SP8: variants seen among roughly 807,000 people sequenced by gnomAD.
The protein encoded by SP8 is transcription factor Sp8.
In SP8, 7 loss-of-function variants were observed where a neutral mutation model predicts 15.3. That is an observed-to-expected ratio of 0.46 (90% CI 0.26 to 0.86). SP8 has a LOEUF of 0.86. Ranked by LOEUF, SP8 falls within the 40% of genes least tolerant of loss-of-function variation. The pLI is 0.16. For missense variants in SP8, 731 were observed against 736.4 expected, an observed-to-expected ratio of 0.99 and a Z score of 0.09; for synonymous variants, 415 against 356.3, an observed-to-expected ratio of 1.16 and a Z score of -1.86.
Position 20,785,250 on chromosome 7 carries a change from C to G in SP8, c.567G>C (p.Gly189=), listed in dbSNP as rs754370574. Residue 189 remains glycine, a synonymous_variant, in exon 2 of 2, where the codon GGG becomes GGC. Coordinates refer to ENST00000418710, the MANE Select transcript of SP8 (RefSeq NM_182700.6). This position sits in a 1 kb window ranked among gnomAD's most constrained non-coding sequence, Gnocchi z 7.2. ...CCACCCGCGGGTAGATGCCCTGCAG[C>G]CCGTCCACAGAGGTGTGCACCTTGG... ...FISKVHTSVD[G]LQGIYPRVGM... is the part of the protein sequence containing the mutation. The G allele has an allele frequency of 6.3e-7, 1 of 1,596,734 alleles. No homozygotes were observed. Among genetic ancestry groups the G allele is most frequent in the Non-Finnish European group, 8.5e-7 (1 of 1,173,452 alleles).
In SP8 at chr7:20,784,053, C is replaced by T. The variant is rs980118780; in HGVS notation, c.*237G>A. The T allele has an allele frequency of 6.4e-5, 29 of 456,496 alleles. No individual in the cohort carries two copies. The highest frequency in any genetic ancestry group is 4.7e-4 in the African/African-American group (23 of 48,796). 28.3% of individuals were successfully genotyped at this position (456,496 alleles called of 1,614,324 possible). ...TTCCGGCTGCAACGGGTTCAGGCAGCGTTACCCGTGGAAAGGGAAAGCCAG... is the reference window on the plus strand; with the variant it reads ...TTCCGGCTGCAACGGGTTCAGGCAGTGTTACCCGTGGAAAGGGAAAGCCAG... On this transcript the variant is annotated 3_prime_UTR_variant, in exon 2 of 2. Transcript: ENST00000418710.
At position 20,783,027 on chromosome 7, in the gene SP8, A is replaced by T. The variant is rs1783540786; in HGVS notation, c.*1263T>A. The T allele has an allele frequency of 6.6e-6, 1 of 152,454 alleles. No homozygotes were observed. Among genetic ancestry groups the T allele is most frequent in the African/African-American group, 2.4e-5 (1 of 41,464 alleles). The allele number at this position is 152,454 out of a possible 1,614,324, so 9.4% of individuals were successfully genotyped here. A position where few individuals can be genotyped will look rare whatever the true frequency, so the allele number is the denominator to read the frequency against. Reference sequence around the variant, plus strand: ...TCCAGTTGTACAAACCATTAGGTTCAGATATATTTTACAAAGGTTCTTTTT... The same window carrying T: ...TCCAGTTGTACAAACCATTAGGTTCTGATATATTTTACAAAGGTTCTTTTT... On this transcript the variant is annotated 3_prime_UTR_variant, in exon 2 of 2. Transcript: ENST00000418710.
Position 20,785,420 on chromosome 7 carries a change from C to G in SP8, c.397G>C (p.Ala133Pro). 7.6e-7 allele frequency: 1 copy of G among 1,319,448 alleles called. No individual in the cohort carries two copies. The highest frequency in any genetic ancestry group is 9.7e-7 in the Non-Finnish European group (1 of 1,026,232). The allele number at this position is 1,319,448 out of a possible 1,614,324, so 81.7% of individuals were successfully genotyped here. Residue 133 changes from alanine to proline, a missense_variant, in exon 2 of 2, where the codon GCC (alanine) becomes CCC (proline). This residue lies in a region of SP8 where 586 missense variants were observed against 524.9 expected (regional missense o/e 1.12). Coordinates refer to ENST00000418710, the MANE Select transcript of SP8 (RefSeq NM_182700.6). The surrounding 1 kb of genome is among the most constrained non-coding windows in gnomAD (Gnocchi z 7.2). ...TTGGCGAAGGGCGAGCTGGAGGCGG[C>G]GGCTGCGGCGGCGGCGGCGGCGGCT... ...AAAAAAAAAA[A>P]ASSSPFANDY...
rs1583485796 is a variant in SP8, at chr7:20,785,836, G to C, written c.22-41C>G. The C allele has an allele frequency of 5.1e-6, 8 of 1,560,572 alleles. No individual in the cohort carries two copies. Among genetic ancestry groups the C allele is most frequent in the African/African-American group, 1.4e-5 (1 of 73,770 alleles). On this transcript the variant is annotated intron_variant, in intron 1 of 1. Coordinates refer to ENST00000418710, the MANE Select transcript of SP8 (RefSeq NM_182700.6). This position sits in a 1 kb window ranked among gnomAD's most constrained non-coding sequence, Gnocchi z 7.2. ...GAGAAGGAGTGGGGGAGGGGAGGTG[G>C]GCAAAGGGCCGGTGGGGGAGGAAAG...
Position 20,784,033 on chromosome 7 carries a change from G to C in SP8, c.*257C>G. 1 of 441,520 alleles carries C rather than the reference G, an allele frequency of 2.3e-6. No individual in the cohort carries two copies. Among genetic ancestry groups the C allele is most frequent in the Non-Finnish European group, 3.9e-6 (1 of 257,146 alleles). 27.4% of individuals were successfully genotyped at this position (441,520 alleles called of 1,614,324 possible). On this transcript the variant is annotated 3_prime_UTR_variant, in exon 2 of 2. Transcript: ENST00000418710. ...AAGGCCCGACGAGGCGCGGGTTCCG[G>C]CTGCAACGGGTTCAGGCAGCGTTAC...
In SP8 at chr7:20,783,134, A is replaced by T. The variant is rs1280211392; in HGVS notation, c.*1156T>A. 1 of 152,458 alleles carries T rather than the reference A, an allele frequency of 6.6e-6. No homozygotes were observed. The highest frequency in any genetic ancestry group is 2.4e-5 in the African/African-American group (1 of 41,368). 9.4% of individuals were successfully genotyped at this position (152,458 alleles called of 1,614,324 possible). The stretch of plus-strand genomic sequence containing the variant: ...CTTCACTTGTTTGTAAGTTTAAATC[A>T]CACACAAAAAAGTTTAACCCTACGA... On this transcript the variant is annotated 3_prime_UTR_variant, in exon 2 of 2. Transcript: ENST00000418710.
In SP8 at chr7:20,785,253, G is replaced by T; in HGVS notation, c.564C>A (p.Asp188Glu). The part of the protein sequence containing the change: ...VFISKVHTSV[D>E]GLQGIYPRVG... ...CCCGCGGGTAGATGCCCTGCAGCCCGTCCACAGAGGTGTGCACCTTGGAGA... is the reference window on the plus strand; with the variant it reads ...CCCGCGGGTAGATGCCCTGCAGCCCTTCCACAGAGGTGTGCACCTTGGAGA... Residue 188 changes from aspartate to glutamate, a missense_variant, in exon 2 of 2, where the codon GAC becomes GAA. Coordinates refer to ENST00000418710, the MANE Select transcript of SP8 (RefSeq NM_182700.6). The surrounding 1 kb of genome is among the most constrained non-coding windows in gnomAD (Gnocchi z 7.2). The T allele has an allele frequency of 6.3e-7, 1 of 1,594,706 alleles. No homozygotes were observed. The highest frequency in any genetic ancestry group is 8.5e-7 in the Non-Finnish European group (1 of 1,172,502).
chr7:20,785,334 G>T lies in SP8; in HGVS notation c.483C>A (p.Gly161=). 1 of 1,324,666 alleles carries T rather than the reference G, an allele frequency of 7.5e-7. No homozygotes were observed. Among genetic ancestry groups the T allele is most frequent in the Admixed American group, 2.6e-5 (1 of 39,006 alleles). 82.1% of individuals were successfully genotyped at this position (1,324,666 alleles called of 1,614,324 possible). ...VSGGSGGGGG[G]GGGGSSAHSQ... ...AGTGCGCGGAGGAGCCGCCGCCGCCGCCCCCGCCGCCGCCGCCGCTGCCCC... is the reference window on the plus strand; with the variant it reads ...AGTGCGCGGAGGAGCCGCCGCCGCCTCCCCCGCCGCCGCCGCCGCTGCCCC... Residue 161 remains glycine, a synonymous_variant, in exon 2 of 2, where the codon GGC becomes GGA. Transcript: ENST00000418710. The surrounding 1 kb of genome is among the most constrained non-coding windows in gnomAD (Gnocchi z 7.2).
In SP8 at chr7:20,786,002, C is replaced by G. The variant is rs1478345291; in HGVS notation, c.22-207G>C. ...CCGCTTCCTACTCTACAGGAGGGGACAAGTTTGGCTGCCGGCGTCTGATTC... is the reference window on the plus strand; with the variant it reads ...CCGCTTCCTACTCTACAGGAGGGGAGAAGTTTGGCTGCCGGCGTCTGATTC... On this transcript the variant is annotated intron_variant, in intron 1 of 1. Coordinates refer to ENST00000418710, the MANE Select transcript of SP8 (RefSeq NM_182700.6). This position sits in a 1 kb window ranked among gnomAD's most constrained non-coding sequence, Gnocchi z 4.4. The G allele has an allele frequency of 1.4e-6, 2 of 1,410,628 alleles. No homozygotes were observed. The highest frequency in any genetic ancestry group is 1.8e-6 in the Non-Finnish European group (2 of 1,084,702). The allele number at this position is 1,410,628 out of a possible 1,614,324, so 87.4% of individuals were successfully genotyped here. A position where few individuals can be genotyped will look rare whatever the true frequency, so the allele number is the denominator to read the frequency against.
Position 20,784,437 on chromosome 7 carries a change from G to C in SP8, c.1380C>G (p.Gly460=). The C allele has an allele frequency of 6.5e-7, 1 of 1,536,046 alleles. No homozygotes were observed. Residue 460 remains glycine, a synonymous_variant, in exon 2 of 2, where the codon GGC becomes GGG. Coordinates refer to ENST00000418710, the MANE Select transcript of SP8 (RefSeq NM_182700.6). ...SKHVKTHSGG[G]GGGGSAGSGS... ...CCGAGCCCGCCGAGCCGCCGCCGCC[G>C]CCGCCGCCACTGTGCGTCTTCACGT...
In SP8 at chr7:20,785,987, C is replaced by G. The variant is rs545755035; in HGVS notation, c.22-192G>C. 1.4e-6 allele frequency: 2 copies of G among 1,440,704 alleles called. No homozygotes were observed. The highest frequency in any genetic ancestry group is 1.8e-6 in the Non-Finnish European group (2 of 1,100,332). The allele number at this position is 1,440,704 out of a possible 1,614,324, so 89.2% of individuals were successfully genotyped here. Reference sequence around the variant, plus strand: ...AGCCCCGGCGCCCGGCCGCTTCCTACTCTACAGGAGGGGACAAGTTTGGCT... The same window carrying G: ...AGCCCCGGCGCCCGGCCGCTTCCTAGTCTACAGGAGGGGACAAGTTTGGCT... On this transcript the variant is annotated intron_variant, in intron 1 of 1. Coordinates refer to ENST00000418710, the MANE Select transcript of SP8 (RefSeq NM_182700.6). The surrounding 1 kb of genome is among the most constrained non-coding windows in gnomAD (Gnocchi z 7.2).
Position 20,785,321 on chromosome 7 carries a change from AGCCGCC to A in SP8, c.490_495del (p.Gly164_Gly165del). 6.7e-7 allele frequency: 1 copy of A among 1,487,992 alleles called. No individual in the cohort carries two copies. Among genetic ancestry groups the A allele is most frequent in the South Asian group, 1.3e-5 (1 of 78,770 alleles). 92.2% of individuals were successfully genotyped at this position (1,487,992 alleles called of 1,614,324 possible). On this transcript the variant is annotated inframe_deletion, in exon 2 of 2. Coordinates refer to ENST00000418710, the MANE Select transcript of SP8 (RefSeq NM_182700.6). This position sits in a 1 kb window ranked among gnomAD's most constrained non-coding sequence, Gnocchi z 7.2. ...GAGCCGTCCTGCGAGTGCGCGGAGGAGCCGCCGCCGCCGCCCCCGCCGCCGCCGCCG... is the reference window on the plus strand; with the variant it reads ...GAGCCGTCCTGCGAGTGCGCGGAGGAGCCGCCGCCCCCGCCGCCGCCGCCG...
Position 20,785,530 on chromosome 7 carries a change from G to A in SP8, c.287C>T (p.Ala96Val), listed in dbSNP as rs1325929442. 7.4e-7 allele frequency: 1 copy of A among 1,354,128 alleles called. No individual in the cohort carries two copies. The highest frequency in any genetic ancestry group is 9.5e-7 in the Non-Finnish European group (1 of 1,050,618). 83.9% of individuals were successfully genotyped at this position (1,354,128 alleles called of 1,614,324 possible). The part of the protein sequence containing the change: ...AAAAAAAAAA[A>V]AAALVSDSFS... ...CGAGTCGGACACCAGGGCCGCGGCA[G>A]CCGCGGCTGCTGCCGCGGCCGCCGC... Residue 96 changes from alanine to valine, a missense_variant, in exon 2 of 2, where the codon GCT (alanine) becomes GTT (valine). Ala to Val is a moderately conservative substitution (Grantham distance 64). Around this residue, in one of 3 missense-constraint regions of SP8, gnomAD observed 586 missense variants for 524.9 expected, o/e 1.12. Transcript: ENST00000418710. The surrounding 1 kb of genome is among the most constrained non-coding windows in gnomAD (Gnocchi z 7.2).
chr7:20,786,870 G>A lies in SP8; in HGVS notation c.-72C>T, dbSNP rs1323357198. ...TAAATCAGAGGCAGTGTTTTTTTTA[G>A]AGGTGTGCAATACAATGATCAGTTC... On this transcript the variant is annotated 5_prime_UTR_variant, in exon 1 of 2. Coordinates refer to ENST00000418710, the MANE Select transcript of SP8 (RefSeq NM_182700.6). This position sits in a 1 kb window ranked among gnomAD's most constrained non-coding sequence, Gnocchi z 4.4. 1.8e-5 allele frequency: 22 copies of A among 1,251,974 alleles called. No homozygotes were observed. Among genetic ancestry groups the A allele is most frequent in the Non-Finnish European group, 2.6e-5 (22 of 849,310 alleles). 77.6% of individuals were successfully genotyped at this position (1,251,974 alleles called of 1,614,324 possible).
At position 20,785,924 on chromosome 7, in the gene SP8, T is replaced by TGCGGC; in HGVS notation, c.22-134_22-130dup. ...CGCCCCACTGCACCCCATCTCTCGC[T>TGCGGC]GCGGCGCGCCGCCACCAACTCACCT... On this transcript the variant is annotated intron_variant, in intron 1 of 1. Coordinates refer to ENST00000418710, the MANE Select transcript of SP8 (RefSeq NM_182700.6). The surrounding 1 kb of genome is among the most constrained non-coding windows in gnomAD (Gnocchi z 7.2). 6.8e-7 allele frequency: 1 copy of TGCGGC among 1,461,904 alleles called. No individual in the cohort carries two copies. The highest frequency in any genetic ancestry group is 9.1e-7 in the Non-Finnish European group (1 of 1,101,266). 90.6% of individuals were successfully genotyped at this position (1,461,904 alleles called of 1,614,324 possible). A position where few individuals can be genotyped will look rare whatever the true frequency, so the allele number is the denominator to read the frequency against.
rs1051551062 is a variant in SP8 at position 20,784,442 on chromosome 7, C to T, written c.1375G>A (p.Gly459Ser). ...LSKHVKTHSG[G>S]GGGGGSAGSG... ...CCCGCCGAGCCGCCGCCGCCGCCGC[C>T]GCCACTGTGCGTCTTCACGTGCTTG... Residue 459 changes from glycine to serine, a missense_variant, in exon 2 of 2, where the codon GGC (glycine) becomes AGC (serine). By Grantham distance (56) the Gly-to-Ser change is moderately conservative (BLOSUM62 0). Transcript: ENST00000418710. 6.5e-7 allele frequency: 1 copy of T among 1,539,172 alleles called. No homozygotes were observed. The highest frequency in any genetic ancestry group is 1.2e-5 in the South Asian group (1 of 83,356).
In SP8 at chr7:20,785,058, A is replaced by G; in HGVS notation, c.759T>C (p.Pro253=). Residue 253 remains proline, a synonymous_variant, in exon 2 of 2, where the codon CCT becomes CCC. Coordinates refer to ENST00000418710, the MANE Select transcript of SP8 (RefSeq NM_182700.6). This position sits in a 1 kb window ranked among gnomAD's most constrained non-coding sequence, Gnocchi z 7.2. ...GCGAGGTTTGGAGCCCCCCGGCGGC[A>G]GGGTGCAGCGAGCCGGGCAGCGCAG... ...SAAALPGSLH[P]AAGGLQTSLH... 1.3e-6 allele frequency: 2 copies of G among 1,579,068 alleles called. No homozygotes were observed. Among genetic ancestry groups the G allele is most frequent in the East Asian group, 2.3e-5 (1 of 43,306 alleles).
chr7:20,784,710 C>G lies in SP8; in HGVS notation c.1107G>C (p.Arg369=), dbSNP rs1783606159. 6.3e-7 allele frequency: 1 copy of G among 1,599,472 alleles called. No individual in the cohort carries two copies. The highest frequency in any genetic ancestry group is 1.4e-5 in the African/African-American group (1 of 73,602). The change falls in exon 2 of 2, where the codon CGG becomes CGC. Residue 369 remains arginine (R), a synonymous_variant. Coordinates refer to ENST00000418710, the MANE Select transcript of SP8 (RefSeq NM_182700.6). ...ERLGPAGASL[R]RKGLHSCHIP... ...TGTGGCAGCTGTGCAGGCCCTTGCG[C>G]CGCAAGCTCGCCCCGGCAGGGCCCA... is the stretch of plus-strand genomic sequence containing the variant.
chr7:20,786,590 A>AAAAAG lies in SP8; in HGVS notation c.21+183_21+187dup, dbSNP rs763285608. The stretch of plus-strand genomic sequence containing the variant: ...CCTTCGAACCTTTTCCTGCGCTGAA[A>AAAAAG]AAAAGTGACTCTGCCCCCTTCTCCC... On this transcript the variant is annotated intron_variant, in intron 1 of 1. Coordinates refer to ENST00000418710, the MANE Select transcript of SP8 (RefSeq NM_182700.6). The surrounding 1 kb of genome is among the most constrained non-coding windows in gnomAD (Gnocchi z 4.4). Among the ~76,000 whole-genome samples, 4 of 152,054 alleles carry AAAAAG rather than the reference A, an allele frequency of 2.6e-5. No individual in the cohort carries two copies. The highest frequency in any genetic ancestry group is 5.9e-5 in the Non-Finnish European group (4 of 68,010).
Sources: allele counts gnomAD v4.1 joint callset (sites outside exome capture counted in the v4.1 genomes callset), GRCh38; gene constraint gnomAD v4.1.1; regional missense constraint gnomAD v4.1.1; non-coding constraint Gnocchi (gnomAD v3.1); transcripts MANE v1.5; gene names NCBI Gene and HGNC (gene_info 2026-07-23, HGNC 2026-07-21).